The following AGO2 variants were observed in gnomAD, a reference collection of about 807,000 sequenced individuals.
AGO2 encodes the protein argonaute RISC catalytic component 2, also known as protein argonaute-2.
Under a neutral mutation model 102.3 loss-of-function variants are expected in AGO2, and 5 were observed. The ratio of observed to expected loss-of-function variants is 0.05; its 90% CI spans 0.03 to 0.10. The LOEUF (loss-of-function observed/expected upper bound fraction) is 0.10, where lower values mean the gene tolerates loss of function less well. AGO2 is among the 10% of genes least tolerant of loss of function. The probability of loss-of-function intolerance (pLI) is 1.00; values close to 1 mark genes in which losing one functional copy is unlikely to be tolerated. For missense variants in AGO2, 541 were observed against 1,183.7 expected (o/e 0.46, Z 7.97); for synonymous variants, 449 against 473.1 (o/e 0.95, Z 0.66).
chr8:140,628,006 C>T (rs2074297042), intron 1 of AGO2, among the ~76,000 whole-genome samples: 1 of 152,198 alleles, frequency 6.6e-6, no homozygotes, highest in Non-Finnish European at 1.5e-5. Context: ...TGGAGCTGCT[C>T]GAGGGCTTCT....
upstream of AGO2, among the ~76,000 whole-genome samples, chr8:140,639,951 A>G (rs907592358): frequency 2.0e-5 from 3 of 152,042 alleles, no homozygotes; most frequent in African/African-American, 4.8e-5. Context: ...TCAGGTAACC[A>G]TCTCTAGACA....
chr8:140,551,634 A>AGAGGGGTGGGTGGATGGTT (rs2072996901), intron 10 of AGO2, among the ~76,000 whole-genome samples, 198 bp from the exon 11 acceptor site: 1 of 66,912 alleles, frequency 1.5e-5, no homozygotes. Context: ...GGCTGGTGGA[A>AGAGGGGTGGGTGGATGGTT]GATGGGTGGG....
In AGO2 at chr8:140,532,015, G is replaced by A. The variant is rs2072605263; in HGVS notation, c.*29C>T. 2.5e-6 allele frequency: 4 copies of A among 1,599,274 alleles called. No individual in the cohort carries two copies. The highest frequency in any genetic ancestry group is 1.1e-5 in the South Asian group (1 of 90,732). ...GTAGCTGGTCTCGTGAATCCCACTC[G>A]GTACACAATCGCTAAACACTAAAAC... On this transcript the variant is annotated 3_prime_UTR_variant, in exon 19 of 19. Coordinates refer to ENST00000220592, the MANE Select transcript of AGO2 (RefSeq NM_012154.5).
rs759640414 is a variant in AGO2, at chr8:140,558,490, G to A, written c.873C>T (p.His291=). 14 of 1,614,252 alleles carry A rather than the reference G, an allele frequency of 8.7e-6. No homozygotes were observed. Among genetic ancestry groups the A allele is most frequent in the African/African-American group, 1.3e-5 (1 of 75,072 alleles). ...VCNVTRRPAS[H]QTFPLQQESG... is the part of the protein sequence containing the mutation. The stretch of plus-strand genomic sequence containing the variant: ...TGAAAGGAAGGGCGTGTTACGTTTG[G>A]TGACTGGCGGGCCGCCGGGTCACAT... Residue 291 remains histidine (H), a synonymous_variant, in exon 7 of 19, where the codon CAC becomes CAT. Transcript: ENST00000220592.
chr8:140,572,736 C>G (rs2073399940), intron 3 of AGO2, 76 bp downstream of exon 3: 1 of 1,552,216 alleles, frequency 6.4e-7, no homozygotes, highest in East Asian at 2.3e-5. Flanking sequence ...TGAGAACAGG[C>G]ATGACAGACT....
intron 3 of AGO2, among the ~76,000 whole-genome samples, chr8:140,566,989 C>G (rs1456228928): frequency 6.6e-6 from 1 of 152,198 alleles, no homozygotes; most frequent in African/African-American, 2.4e-5. Flanking sequence ...ACTTTAGGCC[C>G]GAGTACATCT....
rs73360460 is a variant in AGO2 at position 140,539,701 on chromosome 8, G to C, written c.2035-247C>G. On this transcript the variant is annotated intron_variant, in intron 15 of 18. Coordinates refer to ENST00000220592, the MANE Select transcript of AGO2 (RefSeq NM_012154.5). This position sits in a 1 kb window ranked among gnomAD's most constrained non-coding sequence, Gnocchi z 4.7. Reference sequence around the variant, plus strand: ...CTTCCCCTGGAGGGCCCAGGAGGTTGTGTGTGTGCAAGGGGCGCAGCCAAC... The same window carrying C: ...CTTCCCCTGGAGGGCCCAGGAGGTTCTGTGTGTGCAAGGGGCGCAGCCAAC... Among the ~76,000 whole-genome samples, 8,319 of 152,274 alleles carry C rather than the reference G, an allele frequency of 0.055. 368 individuals carry two copies. Among genetic ancestry groups the C allele is most frequent in the African/African-American group, 0.13 (5,229 of 41,530 alleles).
chr8:140,543,666 T>C (rs2072841365), intron 14 of AGO2, among the ~76,000 whole-genome samples: 3 of 152,212 alleles, frequency 2.0e-5, no homozygotes, highest in Non-Finnish European at 2.9e-5. Context: ...GGCTGGAATG[T>C]AAGCATTTTC....
chr8:140,582,306 T>C (rs2073569745), intron 2 of AGO2, among the ~76,000 whole-genome samples: 1 of 152,160 alleles, frequency 6.6e-6, no homozygotes, highest in Non-Finnish European at 1.5e-5. Flanking sequence ...TGAGCACCCC[T>C]AATCTGAAAA....
chr8:140,572,661 G>T, intron 3 of AGO2, 151 bp downstream of exon 3: 3 of 1,102,492 alleles, frequency 2.7e-6, no homozygotes, highest in Non-Finnish European at 2.5e-6. Context: ...TAGTTTTTAT[G>T]GATCTCAGGA....
chr8:140,555,079 T>C (rs572529585), intron 10 of AGO2, among the ~76,000 whole-genome samples: 2 of 152,278 alleles, frequency 1.3e-5, no homozygotes, highest in Non-Finnish European at 2.9e-5. Context: ...TAAAATTCCA[T>C]TAGGTAGAAA....
intron 17 of AGO2, among the ~76,000 whole-genome samples, chr8:140,533,740 G>A (rs1057276759): frequency 2.6e-5 from 4 of 152,020 alleles, no homozygotes; most frequent in Non-Finnish European, 4.4e-5. Flanking sequence ...CCGGGAGGCA[G>A]AGGCTGCAGT....
chr8:140,534,275 G>A (rs535395390), intron 17 of AGO2, among the ~76,000 whole-genome samples: 1 of 152,334 alleles, frequency 6.6e-6, no homozygotes, highest in South Asian at 2.1e-4. Context: ...AGCATCCCCC[G>A]TTAGAAAGAT....
At chr8:140,640,666 T>C in the AGO2 span, among the ~76,000 whole-genome samples, 16 of 152,154 alleles carry the variant, frequency 1.1e-4, no homozygotes, top group Admixed American at 1.0e-3. Context: ...AGTACTGGCA[T>C]GCGCCACCAT....
chr8:140,621,421 G>T (rs752246138), intron 1 of AGO2, among the ~76,000 whole-genome samples: 2 of 152,160 alleles, frequency 1.3e-5, no homozygotes, highest in African/African-American at 2.4e-5. Context: ...CCGTGAGCTC[G>T]CAAGGCAGAA....
chr8:140,594,015 C>T (rs181698397), intron 1 of AGO2, among the ~76,000 whole-genome samples: 6 of 152,338 alleles, frequency 3.9e-5, no homozygotes, highest in African/African-American at 9.6e-5. Context: ...TGAGGTCTGC[C>T]GGTGCCAAGC....
rs137990025 is a variant in AGO2 at position 140,541,191 on chromosome 8, G to A, written c.2007C>T (p.Asp669=). ...FKPTRIIFYR[D]GVSEGQFQQV... is the part of the protein sequence containing the mutation. ...GCTGGAACTGGCCTTCAGAGACACC[G>A]TCGCGGTAGAAGATGATGCGGGTGG... The change falls in exon 15 of 19, where the codon GAC becomes GAT. Residue 669 remains aspartate (D), a synonymous_variant. Coordinates refer to ENST00000220592, the MANE Select transcript of AGO2 (RefSeq NM_012154.5). 35 of 1,577,942 alleles carry A rather than the reference G, an allele frequency of 2.2e-5. No individual in the cohort carries two copies. In the Middle Eastern group the frequency reaches 5.0e-4, roughly 22 times the overall value.
chr8:140,624,283 G>C (rs1674519557), intron 1 of AGO2, among the ~76,000 whole-genome samples: 1 of 152,070 alleles, frequency 6.6e-6, no homozygotes, highest in Non-Finnish European at 1.5e-5. Flanking sequence ...CTGCCTTCAA[G>C]CACACCCCAA....
chr8:140,523,538 TA>T lies in AGO2; in HGVS notation c.*8505del, dbSNP rs1300207458. 6.7e-6 allele frequency: 1 copy of T among 148,830 alleles called. No homozygotes were observed. Among genetic ancestry groups the T allele is most frequent in the African/African-American group, 2.4e-5 (1 of 41,188 alleles). 9.2% of individuals were successfully genotyped at this position (148,830 alleles called of 1,614,324 possible). ...ACATTCTTTTCCTGTATTTAATGAG[TA>T]ATTAGCCACTTTGCTGCACAGAAAC... On this transcript the variant is annotated 3_prime_UTR_variant, in exon 19 of 19. Coordinates refer to ENST00000220592, the MANE Select transcript of AGO2 (RefSeq NM_012154.5).
Sources: allele counts gnomAD v4.1 joint callset (sites outside exome capture counted in the v4.1 genomes callset), GRCh38; gene constraint gnomAD v4.1.1; non-coding constraint Gnocchi (gnomAD v3.1); transcripts MANE v1.5; gene names NCBI Gene and HGNC (gene_info 2026-07-23, HGNC 2026-07-21).